Variants in ABCA1 observed in about 807,000 individuals in gnomAD.
ABCA1 encodes the protein phospholipid-transporting ATPase ABCA1.
Under a neutral mutation model 262.5 loss-of-function variants are expected in ABCA1, and 133 were observed. That is an observed-to-expected ratio of 0.51 (90% confidence interval 0.44 to 0.59). The LOEUF (loss-of-function observed/expected upper bound fraction) is 0.59, where lower values mean the gene tolerates loss of function less well. Ranked by LOEUF, ABCA1 falls within the 20% of genes least tolerant of loss-of-function variation. ABCA1 has a pLI of 0.00. For synonymous variants in ABCA1, 1,022 were observed against 1,043.5 expected, an observed-to-expected ratio of 0.98 and a Z score of 0.40; for missense variants, 2,452 against 2,777.5, an observed-to-expected ratio of 0.88 and a Z score of 2.63.
At chr9:104,915,486 T>C (rs1841789627) in intron 1 of ABCA1, among the ~76,000 whole-genome samples, 1 of 152,210 alleles carries the variant, frequency 6.6e-6, no homozygotes, top group South Asian at 2.1e-4. Context: ...TAAATCCACT[T>C]ACTTGTGATT....
chr9:104,878,914 A>C (rs1838381322), intron 5 of ABCA1, among the ~76,000 whole-genome samples: 1 of 152,080 alleles, frequency 6.6e-6, no homozygotes, highest in African/African-American at 2.4e-5. Flanking sequence ...CAACTGGATC[A>C]CAGAAGCAGG....
At chr9:104,859,492 A>G (rs568171287) in intron 6 of ABCA1, among the ~76,000 whole-genome samples, 13 of 150,746 alleles carry the variant, frequency 8.6e-5, no homozygotes, top group Non-Finnish European at 1.5e-4. Context: ...AACAATGCAG[A>G]CTCTTTATTA....
chr9:104,820,838 T>C (rs1032333554), intron 20 of ABCA1, among the ~76,000 whole-genome samples: 1 of 152,184 alleles, frequency 6.6e-6, no homozygotes, highest in African/African-American at 2.4e-5. Context: ...CCCCATCCAC[T>C]GGCTGGGCTG....
chr9:104,861,902 G>C, intron 5 of ABCA1, 102 bp from the exon 6 acceptor site: 1 of 1,074,464 alleles, frequency 9.3e-7, no homozygotes, highest in Non-Finnish European at 1.4e-6. Context: ...TAATATTGAT[G>C]ATCAACAGTT....
intron 1 of ABCA1, among the ~76,000 whole-genome samples, chr9:104,924,050 T>C (rs1036260976): frequency 3.3e-5 from 5 of 152,034 alleles, no homozygotes; most frequent in African/African-American, 9.7e-5. Flanking sequence ...TCAAAATAAA[T>C]ACAATGAATA....
chr9:104,796,808 G>A (rs1177249283), intron 37 of ABCA1, among the ~76,000 whole-genome samples: 1 of 152,144 alleles, frequency 6.6e-6, no homozygotes, highest in Non-Finnish European at 1.5e-5. Context: ...GTCTGCCCAA[G>A]TTCAATCTCA....
chr9:104,878,580 G>A (rs1838348993), intron 5 of ABCA1, among the ~76,000 whole-genome samples: 1 of 151,964 alleles, frequency 6.6e-6, no homozygotes, highest in Admixed American at 6.5e-5. Flanking sequence ...CCCCTTCTGG[G>A]TCAGATTCTT....
chr9:104,812,630 G>C lies in ABCA1; in HGVS notation c.3994C>G (p.Leu1332Val). Residue 1332 changes from leucine to valine, a missense_variant, in exon 28 of 50, where the codon CTT becomes GTT. Physicochemically the swap from Leu to Val is conservative, Grantham distance 32 (BLOSUM62 1). Around this residue, in one of 4 missense-constraint regions of ABCA1, gnomAD observed 665 missense variants for 727.3 expected, o/e 0.91. Transcript: ENST00000374736. The stretch of plus-strand genomic sequence containing the variant: ...GCAATTAGCAGTCTCTTCCACAAAA[G>C]GGCCACAAACTGTTGCTGTGTAAGT... ...WKLTQQQFVA[L>V]LWKRLLIARR... is the part of the protein sequence containing the mutation. 5.0e-6 allele frequency: 8 copies of C among 1,614,178 alleles called. No individual in the cohort carries two copies. Among genetic ancestry groups the C allele is most frequent in the Non-Finnish European group, 6.8e-6 (8 of 1,180,042 alleles).
intron 15 of ABCA1, among the ~76,000 whole-genome samples, chr9:104,828,135 G>A (rs1044352105): frequency 1.5e-4 from 23 of 152,334 alleles, no homozygotes; most frequent in African/African-American, 5.5e-4. Flanking sequence ...TCCCCATTCA[G>A]GGAAGCCTTG....
chr9:104,811,734 C>G (rs1192965231), intron 28 of ABCA1, among the ~76,000 whole-genome samples: 1 of 152,190 alleles, frequency 6.6e-6, no homozygotes, highest in Non-Finnish European at 1.5e-5. Context: ...ATAACAACTA[C>G]TATAATGAGA....
chr9:104,814,600 T>C (rs1017204369), intron 25 of ABCA1, 125 bp from the exon 26 acceptor site: 1 of 980,230 alleles, frequency 1.0e-6, no homozygotes, highest in African/African-American at 1.6e-5. Flanking sequence ...AGAAGCCACA[T>C]TTCTTAATAA....
intron 28 of ABCA1, 113 bp downstream of exon 28, chr9:104,812,461 A>G (rs1831360715): frequency 7.2e-7 from 1 of 1,388,078 alleles, no homozygotes; most frequent in Non-Finnish European, 1.0e-6. Flanking sequence ...AATACAGATA[A>G]ATCTGGCTCC....
At position 104,791,030 on chromosome 9, in the gene ABCA1, T is replaced by G. The variant is rs1340453279; in HGVS notation, c.5821-2A>C. 1 of 1,611,252 alleles carries G rather than the reference T, an allele frequency of 6.2e-7. No homozygotes were observed. The highest frequency in any genetic ancestry group is 8.5e-7 in the Non-Finnish European group (1 of 1,177,626). The stretch of plus-strand genomic sequence containing the variant: ...ATTAACTCCCAGGAGCCCAAAGCAC[T>G]GAAAAGGAAAGATTAAGTTGTATAA... On this transcript the variant is annotated splice_acceptor_variant, in intron 43 of 49. Transcript: ENST00000374736. LOFTEE classifies it high-confidence loss of function.
At chr9:104,816,796 T>G (rs1831815741) in intron 24 of ABCA1, among the ~76,000 whole-genome samples, 1 of 152,104 alleles carries the variant, frequency 6.6e-6, no homozygotes, top group African/African-American at 2.4e-5. Context: ...GTTCCCTCAT[T>G]TACCTAAATA....
chr9:104,816,353 G>C lies in ABCA1; in HGVS notation c.3536-8C>G, dbSNP rs755899583. ...TGGAGATAGCAGAGACATCTGCAGG[G>C]ACCAGAATGCAAAGATGGCTCAATC... On this transcript the variant is annotated splice_polypyrimidine_tract_variant and splice_region_variant and intron_variant, in intron 24 of 49. Coordinates refer to ENST00000374736, the MANE Select transcript of ABCA1 (RefSeq NM_005502.4). 3.7e-6 allele frequency: 6 copies of C among 1,612,724 alleles called. No individual in the cohort carries two copies. Among genetic ancestry groups the C allele is most frequent in the South Asian group, 1.1e-5 (1 of 90,976 alleles).
Position 104,862,641 on chromosome 9 carries a change from G to GCCCCCC in ABCA1, c.422-842_422-841insGGGGGG, listed in dbSNP as rs1564197815. Among the ~76,000 whole-genome samples, 14 of 2,006 alleles carry GCCCCCC rather than the reference G, an allele frequency of 7.0e-3. 1 individual carries two copies. Among genetic ancestry groups the GCCCCCC allele is most frequent in the Non-Finnish European group, 9.7e-3 (8 of 822 alleles). The allele number at this position is 2,006 out of a possible 152,430, so 1.3% of individuals were successfully genotyped here. On this transcript the variant is annotated intron_variant, in intron 5 of 49. Coordinates refer to ENST00000374736, the MANE Select transcript of ABCA1 (RefSeq NM_005502.4). ...TGTTAAAATGCAGACTGCCGGGCCG[G>GCCCCCC]GCCGGGCCGGGCCGGGCCGGGCCGG... is the stretch of plus-strand genomic sequence containing the variant.
At chr9:104,836,813 CTGTA>C (rs1242771676) in intron 11 of ABCA1, among the ~76,000 whole-genome samples, 163 bp downstream of exon 11, 1 of 152,188 alleles carries the variant, frequency 6.6e-6, no homozygotes, top group African/African-American at 2.4e-5. Context: ...GCACCATGGC[CTGTA>C]CTTCTGGAGA....
intron 5 of ABCA1, among the ~76,000 whole-genome samples, chr9:104,873,705 T>C (rs558089204): frequency 3.9e-4 from 60 of 152,356 alleles, no homozygotes; most frequent in African/African-American, 1.4e-3. Context: ...CATTTTATGA[T>C]GATTGTAAAA....
At chr9:104,889,905 C>T (rs889151214) in intron 2 of ABCA1, among the ~76,000 whole-genome samples, 1 of 152,180 alleles carries the variant, frequency 6.6e-6, no homozygotes, top group African/African-American at 2.4e-5. Flanking sequence ...ATCATCTTCT[C>T]CGATGAGTTA....
Sources: allele counts gnomAD v4.1 joint callset (sites outside exome capture counted in the v4.1 genomes callset), GRCh38; gene constraint gnomAD v4.1.1; regional missense constraint gnomAD v4.1.1; transcripts MANE v1.5; gene names NCBI Gene and HGNC (gene_info 2026-07-23, HGNC 2026-07-21).